TRIM62: variants seen among roughly 807,000 people sequenced by gnomAD.
TRIM62 encodes E3 ubiquitin-protein ligase TRIM62.
A neutral mutation model predicts 44.2 loss-of-function variants in TRIM62; 39 were observed. The observed-to-expected ratio is 0.88, with a 90% CI of 0.68 to 1.15. TRIM62 has a LOEUF of 1.15. TRIM62 is among the 50% of genes most tolerant of loss of function. The pLI is 0.00. For synonymous variants in TRIM62, 278 were observed against 292.3 expected, an observed-to-expected ratio of 0.95 and a Z score of 0.50; for missense variants, 544 against 665.5, an observed-to-expected ratio of 0.82 and a Z score of 2.01.
At position 33,162,676 on chromosome 1, in the gene TRIM62, G is replaced by A. The variant is rs4045733; in HGVS notation, c.505-2732C>T. On this transcript the variant is annotated intron_variant, in intron 2 of 4. Transcript: ENST00000291416. Reference sequence around the variant, plus strand: ...TGGGGTTTCAATGTCTCAAGGACGAGAGAGGATGGGAGGGAAAGGGGGGAA... The same window carrying A: ...TGGGGTTTCAATGTCTCAAGGACGAAAGAGGATGGGAGGGAAAGGGGGGAA... 2.0e-5 allele frequency among the ~76,000 whole-genome samples: 3 copies of A among 152,132 alleles called. No homozygotes were observed. In the East Asian group the frequency reaches 5.8e-4, roughly 29 times the overall value.
chr1:33,155,356 C>A (rs550069546), intron 4 of TRIM62, among the ~76,000 whole-genome samples: 73 of 152,220 alleles, frequency 4.8e-4, no homozygotes, highest in African/African-American at 1.5e-3. Flanking sequence ...CAGGCATGAG[C>A]CACCATGCCC....
chr1:33,178,865 G>C (rs1203076166), intron 1 of TRIM62, among the ~76,000 whole-genome samples: 1 of 152,212 alleles, frequency 6.6e-6, no homozygotes, highest in Non-Finnish European at 1.5e-5. Flanking sequence ...GTGTCCCCCA[G>C]GTCATGGGAT....
intron 1 of TRIM62, chr1:33,176,424 G>A (rs1645419886): frequency 8.6e-6 from 6 of 698,034 alleles, no homozygotes; most frequent in South Asian, 4.5e-5. Context: ...TTGCGTCCAA[G>A]GCTGATCCAC....
chr1:33,147,784 A>G lies in TRIM62; in HGVS notation c.878-57T>C. On this transcript the variant is annotated intron_variant, in intron 4 of 4. Coordinates refer to ENST00000291416, the MANE Select transcript of TRIM62 (RefSeq NM_018207.3). The surrounding 1 kb of genome is among the most constrained non-coding windows in gnomAD (Gnocchi z 8.1). The stretch of plus-strand genomic sequence containing the variant: ...GTGGGGAGAAGGCTGTGGACCCACC[A>G]TGCAGTGCCTTCCTGAGGGCAGAGT... 2 of 1,555,552 alleles carry G rather than the reference A, an allele frequency of 1.3e-6. No homozygotes were observed. The highest frequency in any genetic ancestry group is 2.4e-5 in the South Asian group (2 of 82,868).
rs1645033653 is a variant in TRIM62 at position 33,147,341 on chromosome 1, A to AAGCTT, written c.1263_1264insAAGCT (p.Tyr422LysfsTer114). ...TAGAAGATGAGCAAGCCTTGGTCATAGTCCAGGAAGACACCCACCTTGTCA... is the reference window on the plus strand; with the variant it reads ...TAGAAGATGAGCAAGCCTTGGTCATAAGCTTGTCCAGGAAGACACCCACCTTGTCA... On this transcript the variant is annotated frameshift_variant, in exon 5 of 5. Coordinates refer to ENST00000291416, the MANE Select transcript of TRIM62 (RefSeq NM_018207.3). LOFTEE classifies it high-confidence loss of function. This position sits in a 1 kb window ranked among gnomAD's most constrained non-coding sequence, Gnocchi z 8.1. 1 of 1,614,242 alleles carries AAGCTT rather than the reference A, an allele frequency of 6.2e-7. No homozygotes were observed. The highest frequency in any genetic ancestry group is 2.2e-5 in the East Asian group (1 of 44,890).
intron 1 of TRIM62, among the ~76,000 whole-genome samples, chr1:33,174,775 C>T (rs1334524503): frequency 2.6e-5 from 4 of 152,120 alleles, no homozygotes; most frequent in Non-Finnish European, 5.9e-5. Context: ...CAGCAACCTA[C>T]CAGTTTATGG....
In TRIM62 at chr1:33,146,909, AG is replaced by A. The variant is rs1434783105; in HGVS notation, c.*267del. The A allele has an allele frequency of 1.4e-5, 7 of 487,822 alleles. No homozygotes were observed. Among genetic ancestry groups the A allele is most frequent in the African/African-American group, 1.2e-4 (6 of 51,508 alleles). 30.2% of individuals were successfully genotyped at this position (487,822 alleles called of 1,614,324 possible). A position where few individuals can be genotyped will look rare whatever the true frequency, so the allele number is the denominator to read the frequency against. On this transcript the variant is annotated 3_prime_UTR_variant, in exon 5 of 5. Transcript: ENST00000291416. The stretch of plus-strand genomic sequence containing the variant: ...GAGAAGATGGGGATGAGGGTTGGGC[AG>A]GGGTTGCCCTGAGGAGAAGCCATGT...
Position 33,167,043 on chromosome 1 carries a change from C to T in TRIM62, c.409-1477G>A, listed in dbSNP as rs1056763901. ...AGTGGCCTTCTTCCTGTGCCTCCAC[C>T]ATCTTGAGCTCGTTCCAATCTTCAG... On this transcript the variant is annotated intron_variant, in intron 1 of 4. Transcript: ENST00000291416. This position sits in a 1 kb window ranked among gnomAD's most constrained non-coding sequence, Gnocchi z 4.2. 6.6e-6 allele frequency among the ~76,000 whole-genome samples: 1 copy of T among 152,222 alleles called. No individual in the cohort carries two copies.
At position 33,153,344 on chromosome 1, in the gene TRIM62, T is replaced by C. The variant is rs557774200; in HGVS notation, c.877+4909A>G. Among the ~76,000 whole-genome samples, 3 of 152,326 alleles carry C rather than the reference T, an allele frequency of 2.0e-5. No individual in the cohort carries two copies. In the East Asian group the frequency reaches 5.8e-4, roughly 29 times the overall value. On this transcript the variant is annotated intron_variant, in intron 4 of 4. Coordinates refer to ENST00000291416, the MANE Select transcript of TRIM62 (RefSeq NM_018207.3). The stretch of plus-strand genomic sequence containing the variant: ...CTCTGGGCAGGATGTTGGAGCACAG[T>C]CTGTTCCTCCCTCAGCTCCTCTCTG...
Position 33,147,313 on chromosome 1 carries a change from T to A in TRIM62, c.1292A>T (p.Asn431Ile). 6.2e-7 allele frequency: 1 copy of A among 1,614,176 alleles called. No individual in the cohort carries two copies. The highest frequency in any genetic ancestry group is 8.5e-7 in the Non-Finnish European group (1 of 1,180,036). The stretch of plus-strand genomic sequence containing the variant: ...GTAGAGCCAGGACATGTCATCAGCA[T>A]TGTAGAAGATGAGCAAGCCTTGGTC... ...DYDQGLLIFY[N>I]ADDMSWLYTF... Residue 431 changes from asparagine (N) to isoleucine (I), a missense_variant, in exon 5 of 5, where the codon AAT becomes ATT. By Grantham distance (149) the Asn-to-Ile change is moderately radical. Coordinates refer to ENST00000291416, the MANE Select transcript of TRIM62 (RefSeq NM_018207.3). This position sits in a 1 kb window ranked among gnomAD's most constrained non-coding sequence, Gnocchi z 8.1.
chr1:33,163,409 G>A (rs552578030), intron 2 of TRIM62: 1 of 152,244 alleles, frequency 6.6e-6, no homozygotes, highest in South Asian at 2.1e-4. Context: ...CTAGGTTTTA[G>A]GGAATCCTGC....
rs1273454851 is a variant in TRIM62 at position 33,181,033 on chromosome 1, C to G, written c.400G>C (p.Glu134Gln). ...CAGGCCGGGTAGCGCACCTGCAGCT[C>G]GTCGAAGGCGTCGTCGATGCCGGTG... is the stretch of plus-strand genomic sequence containing the variant. Reference protein sequence around the residue: ...QVTGIDDAFDELQRELKDQLQ... With the variant: ...QVTGIDDAFDQLQRELKDQLQ... Residue 134 changes from glutamate to glutamine, a missense_variant, in exon 1 of 5, where the codon GAG becomes CAG. Glu to Gln is a conservative substitution (Grantham distance 29). Transcript: ENST00000291416. The surrounding 1 kb of genome is among the most constrained non-coding windows in gnomAD (Gnocchi z 6.5). 1 of 1,543,630 alleles carries G rather than the reference C, an allele frequency of 6.5e-7. No homozygotes were observed. Among genetic ancestry groups the G allele is most frequent in the Non-Finnish European group, 8.7e-7 (1 of 1,148,418 alleles).
intron 4 of TRIM62, among the ~76,000 whole-genome samples, chr1:33,149,310 G>A (rs1486013226): frequency 6.6e-6 from 1 of 151,980 alleles, no homozygotes; most frequent in Non-Finnish European, 1.5e-5. Flanking sequence ...GCGCCACCAC[G>A]CCTGGCTAAT....
At chr1:33,164,739 T>C (rs903393792) in intron 2 of TRIM62, 7 of 152,200 alleles carry the variant, frequency 4.6e-5, no homozygotes, top group African/African-American at 1.7e-4. Context: ...GGGGACATGC[T>C]CAGGATTGAC....
chr1:33,152,813 G>A (rs868378076), intron 4 of TRIM62, among the ~76,000 whole-genome samples: 14 of 152,128 alleles, frequency 9.2e-5, no homozygotes, highest in Non-Finnish European at 1.5e-4. Flanking sequence ...GGAATGTGCC[G>A]GGACTCAAAA....
At chr1:33,150,275 A>G (rs7541761) in intron 4 of TRIM62, among the ~76,000 whole-genome samples, 28,757 of 152,082 alleles carry the variant, frequency 0.19, 3,167 homozygotes, top group South Asian at 0.3. Flanking sequence ...GGACATGGTT[A>G]TGCTTGGCTG....
In TRIM62 at chr1:33,161,188, C is replaced by T. The variant is rs1470698850; in HGVS notation, c.505-1244G>A. 6.6e-6 allele frequency among the ~76,000 whole-genome samples: 1 copy of T among 152,240 alleles called. No individual in the cohort carries two copies. Among genetic ancestry groups the T allele is most frequent in the Non-Finnish European group, 1.5e-5 (1 of 68,034 alleles). On this transcript the variant is annotated intron_variant, in intron 2 of 4. Transcript: ENST00000291416. This position sits in a 1 kb window ranked among gnomAD's most constrained non-coding sequence, Gnocchi z 4.3. The stretch of plus-strand genomic sequence containing the variant: ...AGAGAAAGAGCCTGGTTATTGAAGA[C>T]TGCAATTCTAATAAGCGTTTCCCGG...
chr1:33,151,704 C>T (rs972439124), intron 4 of TRIM62, among the ~76,000 whole-genome samples: 6 of 152,216 alleles, frequency 3.9e-5, no homozygotes, highest in Admixed American at 6.5e-5. Flanking sequence ...GGCAGCCCGT[C>T]TGGTCTCCAG....
At chr1:33,158,395 G>A (rs759933733) in intron 3 of TRIM62, 27 bp from the exon 4 acceptor site, 3 of 1,599,358 alleles carry the variant, frequency 1.9e-6, no homozygotes, top group Non-Finnish European at 2.6e-6. Context: ...AAAGGGGGCT[G>A]CACCAGGGAC....
Sources: allele counts gnomAD v4.1 joint callset (sites outside exome capture counted in the v4.1 genomes callset), GRCh38; gene constraint gnomAD v4.1.1; non-coding constraint Gnocchi (gnomAD v3.1); transcripts MANE v1.5; gene names NCBI Gene and HGNC (gene_info 2026-07-23, HGNC 2026-07-21).